TPRG1: variants seen among roughly 807,000 people sequenced by gnomAD.
The protein encoded by TPRG1 is tumor protein p63-regulated gene 1 protein.
In TPRG1, 29 loss-of-function variants were observed where a neutral mutation model predicts 29.3. That is an observed-to-expected ratio of 0.99 (90% CI 0.74 to 1.35). The LOEUF is 1.35. Among genes scored for constraint, TPRG1 ranks in the 40% most tolerant of loss-of-function variants. The pLI is 0.00. For synonymous variants in TPRG1, 130 were observed against 116.8 expected (o/e 1.11, Z -0.73); for missense variants, 327 against 335.0 (o/e 0.98, Z 0.19).
At chr3:189,084,011 C>G (rs1013692139) in intron 4 of TPRG1, among the ~76,000 whole-genome samples, 1 of 152,040 alleles carries the variant, frequency 6.6e-6, no homozygotes, top group Non-Finnish European at 1.5e-5. Flanking sequence ...AACGGCTGGG[C>G]GTGGTGGCAC....
chr3:189,109,626 G>C (rs932591591), intron 1 of TPRG1, among the ~76,000 whole-genome samples: 1 of 152,126 alleles, frequency 6.6e-6, no homozygotes, highest in African/African-American at 2.4e-5. Context: ...ATACATTTAA[G>C]TGTGTTTACT....
chr3:189,321,059 A>G lies in TPRG1; in HGVS notation c.*239A>G. 1 of 352,132 alleles carries G rather than the reference A, an allele frequency of 2.8e-6. No homozygotes were observed. Among genetic ancestry groups the G allele is most frequent in the Non-Finnish European group, 5.0e-6 (1 of 198,352 alleles). 21.8% of individuals were successfully genotyped at this position (352,132 alleles called of 1,614,324 possible). Reference sequence around the variant, plus strand: ...CTAGAAAATAAATGCTGCTGAGCCTATCAAATACTGTTATCAAATGAGTGC... The same window carrying G: ...CTAGAAAATAAATGCTGCTGAGCCTGTCAAATACTGTTATCAAATGAGTGC... On this transcript the variant is annotated 3_prime_UTR_variant, in exon 6 of 6. Coordinates refer to ENST00000345063, the MANE Select transcript of TPRG1 (RefSeq NM_198485.4).
chr3:188,999,900 G>A (rs575866771), intron 1 of TPRG1, among the ~76,000 whole-genome samples: 126 of 151,878 alleles, frequency 8.3e-4, no homozygotes, highest in Admixed American at 2.8e-3. Context: ...AAATTTCTAC[G>A]GTTTGAATCT....
intron 1 of TPRG1, among the ~76,000 whole-genome samples, chr3:188,998,632 T>C (rs1241633292): frequency 6.6e-6 from 1 of 152,246 alleles, no homozygotes; most frequent in Non-Finnish European, 1.5e-5. Flanking sequence ...AGTGGAATAC[T>C]ATTCAGTCAT....
intron 3 of TPRG1, among the ~76,000 whole-genome samples, chr3:189,133,880 T>C (rs1202880800): frequency 6.6e-6 from 1 of 152,204 alleles, no homozygotes; most frequent in East Asian, 1.9e-4. Context: ...GATTAGTGTA[T>C]GTTAAAGTCA....
At chr3:189,078,050 T>TCCTC (rs1275940510) in intron 4 of TPRG1, among the ~76,000 whole-genome samples, 2 of 146,588 alleles carry the variant, frequency 1.4e-5, no homozygotes, top group African/African-American at 5.4e-5. Context: ...CTTCCTTCCT[T>TCCTC]CCTTCCTTCC....
At chr3:189,065,954 A>T (rs1716415990) in intron 4 of TPRG1, among the ~76,000 whole-genome samples, 1 of 152,186 alleles carries the variant, frequency 6.6e-6, no homozygotes, top group Admixed American at 6.5e-5. Flanking sequence ...GAATTCATCA[A>T]CTTTGCAGGA....
At chr3:189,013,767 C>T (rs1712773372) in intron 3 of TPRG1, among the ~76,000 whole-genome samples, 1 of 152,024 alleles carries the variant, frequency 6.6e-6, no homozygotes, top group South Asian at 2.1e-4. Flanking sequence ...AACCCTCTAC[C>T]CTTATATATT....
chr3:189,069,071 T>C (rs1716648458), intron 4 of TPRG1, among the ~76,000 whole-genome samples: 1 of 152,214 alleles, frequency 6.6e-6, no homozygotes. Flanking sequence ...AGATGCTTTA[T>C]TCATAATAGC....
intron 1 of TPRG1, among the ~76,000 whole-genome samples, chr3:189,181,098 C>T (rs1730155043): frequency 6.6e-6 from 1 of 152,094 alleles, no homozygotes; most frequent in Admixed American, 6.6e-5. Context: ...GGCTAGCACA[C>T]AGGGCACAAA....
At chr3:189,012,581 T>C (rs1454960623) in intron 3 of TPRG1, among the ~76,000 whole-genome samples, 2 of 152,166 alleles carry the variant, frequency 1.3e-5, no homozygotes, top group Non-Finnish European at 2.9e-5. Flanking sequence ...TACCAGCTCT[T>C]CTTTGTACAT....
chr3:189,086,353 A>AT lies in TPRG1; in HGVS notation c.-462-40689dup, dbSNP rs578137615. Among the ~76,000 whole-genome samples, 451 of 142,246 alleles carry AT rather than the reference A, an allele frequency of 3.2e-3. 1 individual carries two copies. Among genetic ancestry groups the AT allele is most frequent in the East Asian group, 0.01 (49 of 4,824 alleles). The allele number at this position is 142,246 out of a possible 152,430, so 93.3% of individuals were successfully genotyped here. The stretch of plus-strand genomic sequence containing the variant: ...TTCTTCTCCCAGTCCACTGATTCAA[A>AT]TTTTTTTTTTTTTTTGAGATAGGGT... On this transcript the variant is annotated intron_variant, in intron 4 of 10. Coordinates refer to the TPRG1 transcript ENST00000433971.
intron 4 of TPRG1, among the ~76,000 whole-genome samples, chr3:189,031,052 T>G (rs1192574995): frequency 6.6e-6 from 1 of 152,156 alleles, no homozygotes; most frequent in African/African-American, 2.4e-5. Context: ...GGTGGATTGC[T>G]TGAGGTCAGG....
At chr3:189,229,628 G>A (rs942468506) in intron 3 of TPRG1, among the ~76,000 whole-genome samples, 5 of 152,208 alleles carry the variant, frequency 3.3e-5, no homozygotes, top group Non-Finnish European at 7.4e-5. Flanking sequence ...ATTTATGGTA[G>A]CAGAGGGCGC....
At chr3:189,166,161 C>G (rs1728139907) in intron 5 of TPRG1, among the ~76,000 whole-genome samples, 1 of 152,202 alleles carries the variant, frequency 6.6e-6, no homozygotes, top group Admixed American at 6.5e-5. Flanking sequence ...TTCAGACATT[C>G]CAAGAGAACA....
At chr3:189,135,476 G>A (rs1162443204) in intron 3 of TPRG1, among the ~76,000 whole-genome samples, 1 of 152,124 alleles carries the variant, frequency 6.6e-6, no homozygotes, top group Non-Finnish European at 1.5e-5. Flanking sequence ...CTAAAACCTA[G>A]TCCTCTTACA....
chr3:189,188,295 C>T (rs932544368), intron 1 of TPRG1, among the ~76,000 whole-genome samples: 4 of 152,176 alleles, frequency 2.6e-5, no homozygotes, highest in Admixed American at 1.3e-4. Flanking sequence ...CTTTTGACCT[C>T]TTCTCAGAGA....
chr3:189,228,696 A>G (rs891585490), intron 3 of TPRG1, among the ~76,000 whole-genome samples: 9 of 152,200 alleles, frequency 5.9e-5, no homozygotes, highest in Non-Finnish European at 1.3e-4. Context: ...AAGATTTGGA[A>G]CAAGGAAAGC....
At chr3:189,261,108 A>T (rs1317477750) in intron 4 of TPRG1, among the ~76,000 whole-genome samples, 1 of 152,184 alleles carries the variant, frequency 6.6e-6, no homozygotes, top group Admixed American at 6.5e-5. Context: ...TGTCTAGACA[A>T]TCTAATTATG....
Sources: gnomAD v4.1 joint callset for allele counts (sites outside exome capture counted in the v4.1 genomes callset) on GRCh38, gnomAD v4.1.1 for gene constraint, MANE v1.5 for transcripts, NCBI Gene and HGNC (gene_info 2026-07-23, HGNC 2026-07-21) for gene names.